Variants in RBFOX1 observed in about 807,000 individuals in gnomAD.
The protein encoded by RBFOX1 is RNA binding protein fox-1 homolog 1.
A neutral mutation model predicts 57.7 loss-of-function variants in RBFOX1; 8 were observed. That is an observed-to-expected ratio of 0.14 (90% CI 0.08 to 0.25). The LOEUF (loss-of-function observed/expected upper bound fraction) is 0.25. RBFOX1 is among the 10% of genes least tolerant of loss of function. The pLI is 1.00. For synonymous variants in RBFOX1, 326 were observed against 222.4 expected, an observed-to-expected ratio of 1.47 and a Z score of -4.15; for missense variants, 611 against 548.5, an observed-to-expected ratio of 1.11 and a Z score of -1.14.
chr16:6,100,685 C>T (rs957914937), intron 1 of RBFOX1, among the ~76,000 whole-genome samples: 1 of 152,146 alleles, frequency 6.6e-6, no homozygotes, highest in East Asian at 1.9e-4. Context: ...TACAGCAACA[C>T]CTTAATATAG....
intron 1 of RBFOX1, chr16:5,366,200 T>C: frequency 2.4e-6 from 1 of 418,008 alleles, no homozygotes; most frequent in South Asian, 2.0e-5. Context: ...AACTCTTAAG[T>C]ATATCTGGGA....
intron 1 of RBFOX1, among the ~76,000 whole-genome samples, chr16:5,342,915 A>G (rs961066978): frequency 6.6e-6 from 1 of 151,674 alleles, no homozygotes; most frequent in South Asian, 2.1e-4. Flanking sequence ...CCCCTACCCC[A>G]CAAGCCAAGA....
At chr16:5,868,107 G>C (rs1252551027) in intron 4 of RBFOX1, among the ~76,000 whole-genome samples, 1 of 152,180 alleles carries the variant, frequency 6.6e-6, no homozygotes, top group Non-Finnish European at 1.5e-5. Context: ...CTGTTCAGAA[G>C]TCACCAGCAA....
intron 4 of RBFOX1, among the ~76,000 whole-genome samples, chr16:5,875,846 CTT>C (rs753084238): frequency 7.8e-5 from 11 of 141,342 alleles, no homozygotes; most frequent in Middle Eastern, 3.6e-3. Flanking sequence ...AAGAATCCCA[CTT>C]TTTTTTTTTT....
intron 3 of RBFOX1, among the ~76,000 whole-genome samples, chr16:6,684,169 G>C (rs901875773): frequency 6.6e-6 from 1 of 152,186 alleles, no homozygotes; most frequent in South Asian, 2.1e-4. Flanking sequence ...TTTAGGATCT[G>C]ATGTTAAACG....
chr16:7,707,815 G>T (rs183011981), intron 14 of RBFOX1, among the ~76,000 whole-genome samples: 2 of 151,962 alleles, frequency 1.3e-5, no homozygotes, highest in South Asian at 2.1e-4. Context: ...CAGACGTTGC[G>T]TTTTTTTTCC....
intron 4 of RBFOX1, among the ~76,000 whole-genome samples, chr16:7,111,890 A>C (rs2064854178): frequency 6.6e-6 from 1 of 152,082 alleles, no homozygotes; most frequent in South Asian, 2.1e-4. Context: ...AAAGCTGCTG[A>C]CTGGCTGATT....
chr16:6,920,522 C>T (rs2074236196), intron 3 of RBFOX1, among the ~76,000 whole-genome samples: 1 of 152,134 alleles, frequency 6.6e-6, no homozygotes, highest in Non-Finnish European at 1.5e-5. Flanking sequence ...CAAGGGCTAC[C>T]ATAACAAATG....
At chr16:7,504,744 T>A (rs2072400881) in intron 4 of RBFOX1, among the ~76,000 whole-genome samples, 2 of 15,120 alleles carry the variant, frequency 1.3e-4, no homozygotes, top group African/African-American at 3.7e-4. Context: ...TATATATATA[T>A]ATATATATAT....
At chr16:5,940,894 A>C (rs1317434095) in intron 4 of RBFOX1, among the ~76,000 whole-genome samples, 3 of 152,130 alleles carry the variant, frequency 2.0e-5, no homozygotes, top group Non-Finnish European at 4.4e-5. Flanking sequence ...GCTGTGTGTA[A>C]GAAGGAGCTG....
rs909975054 is a variant in RBFOX1, at chr16:7,706,784, C to A, written c.996-2272C>A. Among the ~76,000 whole-genome samples, 3 of 152,114 alleles carry A rather than the reference C, an allele frequency of 2.0e-5. No individual in the cohort carries two copies. The South Asian group carries it at 6.2e-4, about 32-fold the overall frequency. On this transcript the variant is annotated intron_variant, in intron 14 of 15. Coordinates refer to ENST00000550418, the MANE Select transcript of RBFOX1 (RefSeq NM_018723.4). ...GGACCAATCAATCACAGACTTCATT[C>A]CCTCATGAAATAAAGAGCAGTACCA...
At chr16:7,361,127 C>T (rs2097311723) in intron 4 of RBFOX1, among the ~76,000 whole-genome samples, 1 of 152,142 alleles carries the variant, frequency 6.6e-6, no homozygotes, top group South Asian at 2.1e-4. Flanking sequence ...AGAAAGTGGA[C>T]ACCTTCCTCC....
intron 4 of RBFOX1, among the ~76,000 whole-genome samples, chr16:7,108,764 T>A (rs951636306): frequency 6.6e-6 from 1 of 152,202 alleles, no homozygotes; most frequent in African/African-American, 2.4e-5. Context: ...CACTCACCCC[T>A]GTGCTCAAAG....
intron 3 of RBFOX1, among the ~76,000 whole-genome samples, chr16:6,657,250 C>A (rs184024145): frequency 6.6e-6 from 1 of 151,880 alleles, no homozygotes; most frequent in Non-Finnish European, 1.5e-5. Context: ...CCTTCAAATT[C>A]CCAGTAATAC....
chr16:6,316,253 C>G (rs1365548971), intron 1 of RBFOX1, among the ~76,000 whole-genome samples: 1 of 152,108 alleles, frequency 6.6e-6, no homozygotes, highest in Non-Finnish European at 1.5e-5. Context: ...AGGAGATGAC[C>G]TCTCTTTCAA....
intron 2 of RBFOX1, among the ~76,000 whole-genome samples, chr16:6,353,388 C>G (rs566217597): frequency 2.0e-5 from 3 of 151,508 alleles, no homozygotes; most frequent in African/African-American, 7.3e-5. Context: ...ATTTGCCATC[C>G]TAGATACCTA....
At chr16:5,762,440 T>C (rs767162229) in intron 3 of RBFOX1, among the ~76,000 whole-genome samples, 3 of 151,452 alleles carry the variant, frequency 2.0e-5, no homozygotes, top group Non-Finnish European at 4.4e-5. Flanking sequence ...ACCAGGCTGG[T>C]AGAAATACAA....
chr16:6,302,724 A>G (rs879266649), intron 1 of RBFOX1, among the ~76,000 whole-genome samples: 19 of 152,214 alleles, frequency 1.2e-4, no homozygotes, highest in Non-Finnish European at 2.4e-4. Flanking sequence ...TTTCTTGTGC[A>G]AACAGGAGAC....
At chr16:5,909,205 G>A (rs150865110) in intron 4 of RBFOX1, among the ~76,000 whole-genome samples, 9,651 of 147,414 alleles carry the variant, frequency 0.065, 391 homozygotes, top group African/African-American at 0.11. Context: ...CCATTCTCCT[G>A]CTTCAGCCTC....
Sources: gnomAD v4.1 joint callset for allele counts (sites outside exome capture counted in the v4.1 genomes callset) on GRCh38, gnomAD v4.1.1 for gene constraint, MANE v1.5 for transcripts, NCBI Gene and HGNC (gene_info 2026-07-23, HGNC 2026-07-21) for gene names.